Variants in CACNA1C observed in about 807,000 individuals in gnomAD.
CACNA1C encodes voltage-dependent L-type calcium channel subunit alpha-1C.
CACNA1C carries 30 observed loss-of-function variants against 229.0 expected under a neutral mutation model. The observed-to-expected ratio is 0.13, with a 90% CI of 0.10 to 0.18. CACNA1C has a LOEUF of 0.18. Ranked by LOEUF, CACNA1C falls within the 10% of genes least tolerant of loss-of-function variation. The pLI is 1.00. For synonymous variants in CACNA1C, 1,114 were observed against 1,132.5 expected (o/e 0.98, Z 0.33); for missense variants, 1,658 against 2,845.0 (o/e 0.58, Z 9.49).
At chr12:2,498,002 C>CACAA (rs1491106908) in intron 7 of CACNA1C, among the ~76,000 whole-genome samples, 2 of 149,930 alleles carry the variant, frequency 1.3e-5, no homozygotes, top group African/African-American at 5.0e-5. Context: ...CACACACACA[C>CACAA]AACAGCTATT....
intron 9 of CACNA1C, among the ~76,000 whole-genome samples, chr12:2,532,216 G>T (rs532843579): frequency 1.3e-5 from 2 of 152,278 alleles, no homozygotes; most frequent in African/African-American, 4.8e-5. Flanking sequence ...TGAGGGAAGC[G>T]CTGAGCTGCT....
At chr12:2,574,969 C>A (rs981141445) in intron 13 of CACNA1C, among the ~76,000 whole-genome samples, 6 of 152,176 alleles carry the variant, frequency 3.9e-5, no homozygotes, top group African/African-American at 1.4e-4. Flanking sequence ...GACTCCCTAG[C>A]CCTGACACAA....
In CACNA1C at chr12:2,198,828, A is replaced by AT. The variant is rs199609879; in HGVS notation, c.477+78406dup. On this transcript the variant is annotated intron_variant, in intron 3 of 46. Coordinates refer to ENST00000399655, the MANE Select transcript of CACNA1C (RefSeq NM_000719.7). ...GAGAGAGGCATAATAATCTTAGGTG[A>AT]TTTTTTTTAAGTTTTCAAGGTGAGG... is the stretch of plus-strand genomic sequence containing the variant. Among the ~76,000 whole-genome samples, 274 of 151,952 alleles carry AT rather than the reference A, an allele frequency of 1.8e-3. 1 individual carries two copies. The highest frequency in any genetic ancestry group is 6.4e-3 in the African/African-American group (264 of 41,438).
Position 2,508,347 on chromosome 12 carries a change from C to G in CACNA1C, c.1217+3402C>G, listed in dbSNP as rs190705155. Among the ~76,000 whole-genome samples the G allele has an allele frequency of 2.3e-3, 348 of 152,344 alleles. 2 individuals carry two copies. The highest frequency in any genetic ancestry group is 8.1e-3 in the African/African-American group (338 of 41,586). ...TAGAGAAGATGACTCCATAAAGCTT[C>G]CATTTAAAGTGTGGAAATTCAGGGC... On this transcript the variant is annotated intron_variant, in intron 8 of 46. Coordinates refer to ENST00000399655, the MANE Select transcript of CACNA1C (RefSeq NM_000719.7).
At chr12:2,685,290 T>G (rs1206019117) in intron 43 of CACNA1C, among the ~76,000 whole-genome samples, 6 of 150,304 alleles carry the variant, frequency 4.0e-5, no homozygotes, top group Non-Finnish European at 7.4e-5. Flanking sequence ...TATGTGCTCT[T>G]GCTGATGAGG....
In CACNA1C at chr12:2,444,615, C is replaced by T. The variant is rs760429231; in HGVS notation, c.478-4361C>T. On this transcript the variant is annotated intron_variant, in intron 3 of 46. Transcript: ENST00000399655. ...CCCAATATCTCCACTTCAGCAAGTT[C>T]ATAACTGATGTCTCTACCTTCCTCC... Among the ~76,000 whole-genome samples the T allele has an allele frequency of 1.3e-4, 20 of 152,222 alleles. 1 individual carries two copies. Among genetic ancestry groups the T allele is most frequent in the South Asian group, 1.0e-3 (5 of 4,808 alleles).
intron 1 of CACNA1C, among the ~76,000 whole-genome samples, chr12:2,014,319 G>A (rs1040003548): frequency 5.9e-5 from 9 of 152,072 alleles, no homozygotes; most frequent in African/African-American, 2.2e-4. Context: ...GTCTATAATG[G>A]GAGAGTTCTT....
chr12:2,111,181 C>G (rs1342386635), intron 1 of CACNA1C, among the ~76,000 whole-genome samples: 2 of 152,242 alleles, frequency 1.3e-5, no homozygotes, highest in Non-Finnish European at 2.9e-5. Context: ...TTCATATGTG[C>G]TTTCTCCAGA....
chr12:2,506,896 C>T (rs1026179893), intron 8 of CACNA1C, among the ~76,000 whole-genome samples: 7 of 152,062 alleles, frequency 4.6e-5, no homozygotes, highest in Non-Finnish European at 8.8e-5. Context: ...GAGGGCTGGG[C>T]CCTGAGGGTC....
chr12:2,294,304 A>G (rs2093801668), intron 3 of CACNA1C, among the ~76,000 whole-genome samples: 1 of 152,138 alleles, frequency 6.6e-6, no homozygotes, highest in Non-Finnish European at 1.5e-5. Flanking sequence ...GGCAGAAGGA[A>G]GAGCGTGGCC....
Position 2,135,371 on chromosome 12 carries a change from A to C in CACNA1C, c.477+14941A>C, listed in dbSNP as rs1286286632. Reference sequence around the variant, plus strand: ...GTGAGGAGCTGCGTTCCTTTGGAGGAGGAGAGGCGCTCTGATTTTTAGAGC... The same window carrying C: ...GTGAGGAGCTGCGTTCCTTTGGAGGCGGAGAGGCGCTCTGATTTTTAGAGC... On this transcript the variant is annotated intron_variant, in intron 3 of 46. Coordinates refer to ENST00000399655, the MANE Select transcript of CACNA1C (RefSeq NM_000719.7). Among the ~76,000 whole-genome samples, 2 of 145,710 alleles carry C rather than the reference A, an allele frequency of 1.4e-5. 1 individual carries two copies. Among genetic ancestry groups the C allele is most frequent in the Non-Finnish European group, 3.0e-5 (2 of 66,764 alleles).
At chr12:2,382,223 G>T (rs2098267223) in intron 3 of CACNA1C, among the ~76,000 whole-genome samples, 1 of 152,188 alleles carries the variant, frequency 6.6e-6, no homozygotes, top group Admixed American at 6.5e-5. Context: ...TCCACCATTA[G>T]AAACCATGGA....
At chr12:2,491,952 T>G (rs1187932035) in intron 6 of CACNA1C, among the ~76,000 whole-genome samples, 4 of 139,152 alleles carry the variant, frequency 2.9e-5, no homozygotes, top group African/African-American at 1.1e-4. Flanking sequence ...AATGAAGAAC[T>G]ATAAGCAAAT....
rs186628372 is a variant in CACNA1C at position 2,410,350 on chromosome 12, G to A, written c.478-38626G>A. Among the ~76,000 whole-genome samples the A allele has an allele frequency of 5.9e-5, 9 of 152,282 alleles. No homozygotes were observed. The East Asian group carries it at 1.2e-3, about 20-fold the overall frequency. The stretch of plus-strand genomic sequence containing the variant: ...AGCAGAAAAGGGCACAAGGCCCTTC[G>A]TGTCCCACCACCTCCCTTCTCTCTG... On this transcript the variant is annotated intron_variant, in intron 3 of 46. Coordinates refer to ENST00000399655, the MANE Select transcript of CACNA1C (RefSeq NM_000719.7). This position sits in a 1 kb window ranked among gnomAD's most constrained non-coding sequence, Gnocchi z 5.3.
chr12:2,629,308 C>CTTT (rs1448936200), intron 29 of CACNA1C, among the ~76,000 whole-genome samples: 2 of 112,726 alleles, frequency 1.8e-5, no homozygotes, highest in South Asian at 5.7e-4. Flanking sequence ...CATCCCATCC[C>CTTT]TTTTCCCACT....
At chr12:2,227,185 C>T (rs2063261135) in intron 3 of CACNA1C, among the ~76,000 whole-genome samples, 1 of 152,214 alleles carries the variant, frequency 6.6e-6, no homozygotes, top group South Asian at 2.1e-4. Flanking sequence ...CCTTCCAGCT[C>T]CTCGCCTTCC....
chr12:2,545,874 TTAGC>T (rs1248973293), intron 9 of CACNA1C, among the ~76,000 whole-genome samples: 1 of 152,256 alleles, frequency 6.6e-6, no homozygotes, highest in Non-Finnish European at 1.5e-5. Flanking sequence ...ATCTGAACAG[TTAGC>T]TAAAGCACTT....
At chr12:2,637,878 T>C (rs2093038822) in intron 30 of CACNA1C, among the ~76,000 whole-genome samples, 1 of 152,264 alleles carries the variant, frequency 6.6e-6, no homozygotes, top group African/African-American at 2.4e-5. Context: ...CTTTAACTCC[T>C]AAACCCCTCC....
intron 1 of CACNA1C, among the ~76,000 whole-genome samples, chr12:2,099,371 C>A (rs12580799): frequency 6.6e-6 from 1 of 152,024 alleles, no homozygotes; most frequent in Non-Finnish European, 1.5e-5. Context: ...GGAGTTGAGA[C>A]GGCTGCCGAG....
Sources: allele counts gnomAD v4.1 joint callset (sites outside exome capture counted in the v4.1 genomes callset), GRCh38; gene constraint gnomAD v4.1.1; non-coding constraint Gnocchi (gnomAD v3.1); transcripts MANE v1.5; gene names NCBI Gene and HGNC (gene_info 2026-07-23, HGNC 2026-07-21).